KIR3DL2: variants seen among roughly 807,000 people sequenced by gnomAD.
KIR3DL2 encodes killer cell immunoglobulin-like receptor 3DL2.
A neutral mutation model predicts 41.6 loss-of-function variants in KIR3DL2; 42 were observed. That is an observed-to-expected ratio of 1.01 (90% CI 0.79 to 1.31). The LOEUF is 1.31. Among genes scored for constraint, KIR3DL2 ranks in the 50% most tolerant of loss-of-function variants. The pLI, the probability that KIR3DL2 is intolerant of heterozygous loss-of-function variation, is 0.00. For synonymous variants in KIR3DL2, 230 were observed against 221.3 expected (o/e 1.04, Z -0.35); for missense variants, 728 against 576.8 (o/e 1.26, Z -2.68).
chr19:54,866,697 G>A lies in KIR3DL2; in HGVS notation c.1334G>A (p.Arg445Gln), dbSNP rs370395426. 213 of 1,613,746 alleles carry A rather than the reference G, an allele frequency of 1.3e-4. 1 individual carries two copies. In the South Asian group the frequency reaches 1.9e-3, roughly 15 times the overall value. The stretch of plus-strand genomic sequence containing the variant: ...AGATCCAAAGTTGTCTCCTGCCCAC[G>A]AGCACCACAGTCAGGTCTTGAGGGG... ...EPRSKVVSCP[R>Q]APQSGLEGVF The change falls in exon 9 of 9, where the codon CGA becomes CAA. Residue 445 changes from arginine to glutamine, a missense_variant. Arg to Gln is a conservative substitution (Grantham distance 43). Coordinates refer to ENST00000326321, the MANE Select transcript of KIR3DL2 (RefSeq NM_006737.4).
chr19:54,855,800 C>A lies in KIR3DL2; in HGVS notation c.837C>A (p.Asp279Glu). ...AGGTCAACAGAACATTCCAGGCAGACTTTCCTCTGGGCCCTGCCACCCACG... is the reference window on the plus strand; with the variant it reads ...AGGTCAACAGAACATTCCAGGCAGAATTTCCTCTGGGCCCTGCCACCCACG... ...VPKVNRTFQADFPLGPATHGG... is the reference protein window; with the variant it reads ...VPKVNRTFQAEFPLGPATHGG... The change falls in exon 5 of 9, where the codon GAC becomes GAA. Residue 279 changes from aspartate to glutamate, a missense_variant. Physicochemically the swap from Asp to Glu is conservative, Grantham distance 45. Coordinates refer to ENST00000326321, the MANE Select transcript of KIR3DL2 (RefSeq NM_006737.4). 8.7e-6 allele frequency: 14 copies of A among 1,613,494 alleles called. No homozygotes were observed. The highest frequency in any genetic ancestry group is 1.2e-5 in the Non-Finnish European group (14 of 1,179,952).
Position 54,865,824 on chromosome 19 carries a change from T to A in KIR3DL2, c.1020T>A (p.His340Gln), listed in dbSNP as rs779666933. ...CTCCAGGTATCTGCAGACACCTGCA[T>A]GTTCTGATTGGGACCTCAGTGGTCA... ...SSKSGICRHL[H>Q]VLIGTSVVIF... is the part of the protein sequence containing the mutation. The change falls in exon 7 of 9, where the codon CAT becomes CAA. Residue 340 changes from histidine to glutamine, a missense_variant. Physicochemically the swap from His to Gln is conservative, Grantham distance 24. Coordinates refer to ENST00000326321, the MANE Select transcript of KIR3DL2 (RefSeq NM_006737.4). The A allele has an allele frequency of 1.3e-6, 2 of 1,568,460 alleles. No homozygotes were observed. Among genetic ancestry groups the A allele is most frequent in the Non-Finnish European group, 1.7e-6 (2 of 1,144,076 alleles).
At chr19:54,855,061 A>ATGATGATGAAGAT (rs1556681190) in intron 4 of KIR3DL2, among the ~76,000 whole-genome samples, 2 of 148,160 alleles carry the variant, frequency 1.3e-5, no homozygotes, top group African/African-American at 2.5e-5. Context: ...GATGATGATG[A>ATGATGATGAAGAT]AGATAGATAG....
chr19:54,851,996 A>C lies in KIR3DL2; in HGVS notation c.71-2A>C. ...CTAAGGCAGTGCCTCCTTCTCCCCC[A>C]GGTGGTCAGGACAAACCCTTCCTGT... On this transcript the variant is annotated splice_acceptor_variant, in intron 2 of 8. Coordinates refer to ENST00000326321, the MANE Select transcript of KIR3DL2 (RefSeq NM_006737.4). LOFTEE classifies it high-confidence loss of function. The C allele has an allele frequency of 6.2e-7, 1 of 1,608,724 alleles. No individual in the cohort carries two copies. The highest frequency in any genetic ancestry group is 1.1e-5 in the South Asian group (1 of 91,016).
intron 6 of KIR3DL2, among the ~76,000 whole-genome samples, chr19:54,864,645 T>C (rs2065385782): frequency 6.6e-6 from 1 of 152,074 alleles, no homozygotes; most frequent in Non-Finnish European, 1.5e-5. Context: ...CACTCATGAT[T>C]TGGCTCTCTG....
At position 54,859,690 on chromosome 19, in the gene KIR3DL2, A is replaced by G. The variant is rs192494596; in HGVS notation, c.1000+561A>G. On this transcript the variant is annotated intron_variant, in intron 6 of 8. Coordinates refer to ENST00000326321, the MANE Select transcript of KIR3DL2 (RefSeq NM_006737.4). Reference sequence around the variant, plus strand: ...CCTATTGTTGCCATAACAAATTTCCACAAGATTCGTGTGTGAAAACAAAAC... The same window carrying G: ...CCTATTGTTGCCATAACAAATTTCCGCAAGATTCGTGTGTGAAAACAAAAC... Among the ~76,000 whole-genome samples, 5 of 151,780 alleles carry G rather than the reference A, an allele frequency of 3.3e-5. No individual in the cohort carries two copies. In the East Asian group the frequency reaches 7.7e-4, roughly 23 times the overall value.
rs754832517 is a variant in KIR3DL2, at chr19:54,866,512, C to G, written c.1159-10C>G. ...GCACCCTCCCTCACTCAGCATTTCC[C>G]TCTCTCCAGGACTCTGATGAACAAG... On this transcript the variant is annotated splice_polypyrimidine_tract_variant and intron_variant, in intron 8 of 8. Transcript: ENST00000326321. The G allele has an allele frequency of 1.1e-5, 18 of 1,613,946 alleles. No homozygotes were observed. The East Asian group carries it at 4.0e-4, about 36-fold the overall frequency.
At position 54,853,975 on chromosome 19, in the gene KIR3DL2, G is replaced by C. The variant is rs776180301; in HGVS notation, c.584G>C (p.Cys195Ser). ...CCTGTCCTTGCAGGAACCTACAGAT[G>C]TTATGGTTCTGTTCCTCACTCCCCC... ...LMPVLAGTYR[C>S]YGSVPHSPYQ... Residue 195 changes from cysteine (C) to serine (S), a missense_variant, in exon 4 of 9, where the codon TGT (cysteine) becomes TCT (serine). Physicochemically the swap from Cys to Ser is moderately radical, Grantham distance 112 (BLOSUM62 -1). Coordinates refer to ENST00000326321, the MANE Select transcript of KIR3DL2 (RefSeq NM_006737.4). The C allele has an allele frequency of 6.2e-7, 1 of 1,613,350 alleles. No homozygotes were observed. Among genetic ancestry groups the C allele is most frequent in the East Asian group, 2.2e-5 (1 of 44,870 alleles).
In KIR3DL2 at chr19:54,855,729, T is replaced by A; in HGVS notation, c.766T>A (p.Ser256Thr). 6.2e-7 allele frequency: 1 copy of A among 1,613,502 alleles called. No homozygotes were observed. ...GAGCTCCTATGACATCTACCATCTG[T>A]CCAGGGAAGGGGAGGCCCATGAACG... The part of the protein sequence containing the change: ...SWSSYDIYHL[S>T]REGEAHERRL... The change falls in exon 5 of 9, where the codon TCC (serine) becomes ACC (threonine). Residue 256 changes from serine (S) to threonine (T), a missense_variant. By Grantham distance (58) the Ser-to-Thr change is moderately conservative. Coordinates refer to ENST00000326321, the MANE Select transcript of KIR3DL2 (RefSeq NM_006737.4).
intron 7 of KIR3DL2, 95 bp from the exon 8 acceptor site, chr19:54,866,275 C>T (rs765957506): frequency 1.8e-4 from 222 of 1,261,250 alleles, no homozygotes; most frequent in Non-Finnish European, 2.2e-4. Context: ...GAGCCTCAGG[C>T]ACCTACAGCC....
At position 54,852,298 on chromosome 19, in the gene KIR3DL2, T is replaced by A; in HGVS notation, c.355+16T>A. On this transcript the variant is annotated intron_variant, in intron 3 of 8. Coordinates refer to ENST00000326321, the MANE Select transcript of KIR3DL2 (RefSeq NM_006737.4). ...ATGGTCACAGGTCAGAGGCTTTCTG[T>A]CTGGGCTTCTCACTGTCCCACCTCC... 1 of 1,600,840 alleles carries A rather than the reference T, an allele frequency of 6.2e-7. No individual in the cohort carries two copies. The highest frequency in any genetic ancestry group is 8.5e-7 in the Non-Finnish European group (1 of 1,175,730).
chr19:54,858,475 T>A (rs900504509), intron 5 of KIR3DL2, among the ~76,000 whole-genome samples: 1 of 149,776 alleles, frequency 6.7e-6, no homozygotes, highest in Non-Finnish European at 1.5e-5. Flanking sequence ...ACACCTGCAA[T>A]TCCAGCACTT....
intron 4 of KIR3DL2, among the ~76,000 whole-genome samples, chr19:54,854,402 C>T (rs2064563836): frequency 6.6e-6 from 1 of 151,834 alleles, no homozygotes; most frequent in Non-Finnish European, 1.5e-5. Context: ...CCACAAAGTG[C>T]TTCTACGAGG....
intron 6 of KIR3DL2, 41 bp from the exon 7 acceptor site, chr19:54,865,764 T>C (rs1195610214): frequency 1.3e-6 from 2 of 1,501,896 alleles, no homozygotes; most frequent in Non-Finnish European, 1.9e-6. Context: ...AAAGAGGAAC[T>C]GCTATGATTA....
At chr19:54,854,910 G>A (rs1478070366) in intron 4 of KIR3DL2, among the ~76,000 whole-genome samples, 3 of 151,692 alleles carry the variant, frequency 2.0e-5, no homozygotes, top group Non-Finnish European at 4.4e-5. Context: ...CTGAGAGGCA[G>A]AGAAAGACAA....
rs1276728831 is a variant in KIR3DL2, at chr19:54,855,623, A to G, written c.660A>G (p.Leu220=). The G allele has an allele frequency of 1.3e-5, 21 of 1,612,656 alleles. No individual in the cohort carries two copies. In the Admixed American group the frequency reaches 3.2e-4, roughly 24 times the overall value. The change falls in exon 5 of 9, where the codon CTA becomes CTG. Residue 220 remains leucine, a synonymous_variant. Transcript: ENST00000326321. ...AACTGCCTCTTCTCCTTCCAGGTCT[A>G]TATGAGAAACCTTCTCTCTCAGCCC... is the stretch of plus-strand genomic sequence containing the variant. The part of the protein sequence containing the change: ...SDPLDIVITG[L]YEKPSLSAQP...
intron 5 of KIR3DL2, 111 bp downstream of exon 5, chr19:54,856,023 C>T: frequency 2.2e-6 from 3 of 1,359,160 alleles, no homozygotes; most frequent in South Asian, 1.3e-5. Context: ...AACACGAAGA[C>T]TGGGTGTGAG....
At chr19:54,854,955 T>C (rs605746) in intron 4 of KIR3DL2, among the ~76,000 whole-genome samples, 2,069 of 151,432 alleles carry the variant, frequency 0.014, 27 homozygotes, top group South Asian at 0.037. Flanking sequence ...GATGGATAGA[T>C]AGATATAGAT....
chr19:54,865,701 C>T, intron 6 of KIR3DL2, 104 bp from the exon 7 acceptor site: 3 of 1,024,982 alleles, frequency 2.9e-6, no homozygotes, highest in Non-Finnish European at 4.5e-6. Context: ...GCTGCTTGTC[C>T]TAAGGAGATG....
Sources: gnomAD v4.1 joint callset for allele counts (sites outside exome capture counted in the v4.1 genomes callset) on GRCh38, gnomAD v4.1.1 for gene constraint, MANE v1.5 for transcripts, NCBI Gene and HGNC (gene_info 2026-07-23, HGNC 2026-07-21) for gene names.